Variants in VASH2 observed in about 807,000 individuals in gnomAD.
The protein encoded by VASH2 is tubulinyl-Tyr carboxypeptidase 2.
A neutral mutation model predicts 37.2 loss-of-function variants in VASH2; 28 were observed. That is an observed-to-expected ratio of 0.75 (90% CI 0.56 to 1.03). The LOEUF (loss-of-function observed/expected upper bound fraction) is 1.03, where lower values mean the gene tolerates loss of function less well. Ranked by LOEUF, VASH2 falls within the 50% of genes least tolerant of loss-of-function variation. The probability of loss-of-function intolerance (pLI) is 0.00; values close to 1 mark genes in which losing one functional copy is unlikely to be tolerated. For synonymous variants in VASH2, 188 were observed against 174.7 expected (o/e 1.08, Z -0.60); for missense variants, 419 against 459.1 (o/e 0.91, Z 0.80).
chr1:212,976,553 A>G (rs1667176785), intron 7 of VASH2, among the ~76,000 whole-genome samples: 1 of 127,628 alleles, frequency 7.8e-6, no homozygotes, highest in African/African-American at 3.1e-5. Flanking sequence ...GTCTGGGCGA[A>G]GGAGTGAGGC....
At chr1:212,973,445 A>C in intron 6 of VASH2, 6 of 1,291,046 alleles carry the variant, frequency 4.6e-6, no homozygotes, top group Non-Finnish European at 6.1e-6. Context: ...TCACTAAGAG[A>C]AAAGGATTAT....
intron 7 of VASH2, among the ~76,000 whole-genome samples, chr1:212,977,503 C>T (rs903330139): frequency 1.3e-5 from 2 of 149,644 alleles, no homozygotes; most frequent in African/African-American, 4.9e-5. Flanking sequence ...GCTGGGGTCA[C>T]ATGGTATGGA....
chr1:212,957,617 C>CTTT lies in VASH2; in HGVS notation c.277-3533_277-3531dup, dbSNP rs1056304168. ...GGTGATGAATAATACACAGCTTACA[C>CTTT]TTTTTTTTTTTTTTTTTTGAGATGG... On this transcript the variant is annotated intron_variant, in intron 2 of 7. Transcript: ENST00000517399. Among the ~76,000 whole-genome samples the CTTT allele has an allele frequency of 1.0e-3, 138 of 137,412 alleles. 1 individual carries two copies. The highest frequency in any genetic ancestry group is 8.4e-3 in the South Asian group (36 of 4,280). 90.1% of individuals were successfully genotyped at this position (137,412 alleles called of 152,430 possible).
chr1:212,951,502 C>T lies in VASH2; in HGVS notation c.-41C>T. ...CCCGCCGCCGCCGCCGCTGCCGCCG[C>T]CGCGCGCCCCCAGTACCTCGCTCCC... is the stretch of plus-strand genomic sequence containing the variant. On this transcript the variant is annotated 5_prime_UTR_variant, in exon 2 of 8. Coordinates refer to ENST00000517399, the MANE Select transcript of VASH2 (RefSeq NM_001301056.2). This position sits in a 1 kb window ranked among gnomAD's most constrained non-coding sequence, Gnocchi z 4.4. The T allele has an allele frequency of 1.6e-6, 2 of 1,215,458 alleles. No homozygotes were observed. Among genetic ancestry groups the T allele is most frequent in the East Asian group, 6.5e-5 (2 of 30,688 alleles). The allele number at this position is 1,215,458 out of a possible 1,614,324, so 75.3% of individuals were successfully genotyped here. A position where few individuals can be genotyped will look rare whatever the true frequency, so the allele number is the denominator to read the frequency against.
chr1:212,972,521 G>T lies in VASH2; in HGVS notation c.498-59G>T. 3.2e-6 allele frequency: 5 copies of T among 1,582,252 alleles called. No individual in the cohort carries two copies. In the East Asian group the frequency reaches 8.9e-5, roughly 28 times the overall value. ...ACCCTGAGACACTTTCCCTTCCTTT[G>T]CATCCAGGCTTCAAATTTTCAAGGC... On this transcript the variant is annotated intron_variant, in intron 5 of 7. Transcript: ENST00000517399.
chr1:212,988,412 C>T, intron 7 of VASH2, 100 bp from the exon 8 acceptor site: 1 of 1,224,794 alleles, frequency 8.2e-7, no homozygotes, highest in Non-Finnish European at 1.2e-6. Context: ...AGACAAATAT[C>T]AGAAGGATTA....
At chr1:212,953,248 CTA>C (rs898048810) in intron 2 of VASH2, among the ~76,000 whole-genome samples, 1 of 151,752 alleles carries the variant, frequency 6.6e-6, no homozygotes, top group Non-Finnish European at 1.5e-5. Context: ...GGTGCATTCT[CTA>C]TGTGGGAATC....
At chr1:212,969,461 G>A (rs957373858) in intron 5 of VASH2, among the ~76,000 whole-genome samples, 3 of 151,998 alleles carry the variant, frequency 2.0e-5, no homozygotes, top group African/African-American at 7.3e-5. Flanking sequence ...CTCCCAAAGT[G>A]CTGGGATTAT....
rs2075834983 is a variant in VASH2 at position 212,989,437 on chromosome 1, T to C, written c.*853T>C. On this transcript the variant is annotated 3_prime_UTR_variant, in exon 8 of 8. Transcript: ENST00000517399. ...CAAATTTAGCGGTACTGGATTTACC[T>C]CTGACATTAACACACTCAGGCAGAG... is the stretch of plus-strand genomic sequence containing the variant. 1 of 152,216 alleles carries C rather than the reference T, an allele frequency of 6.6e-6. No individual in the cohort carries two copies. The highest frequency in any genetic ancestry group is 6.5e-5 in the Admixed American group (1 of 15,274). 9.4% of individuals were successfully genotyped at this position (152,216 alleles called of 1,614,324 possible). A position where few individuals can be genotyped will look rare whatever the true frequency, so the allele number is the denominator to read the frequency against.
At chr1:212,988,481 C>T (rs1390235830) in intron 7 of VASH2, 31 bp from the exon 8 acceptor site, 4 of 1,611,050 alleles carry the variant, frequency 2.5e-6, no homozygotes, top group Non-Finnish European at 3.4e-6. Context: ...CATCCCCTCT[C>T]CTCCACCATA....
At chr1:212,969,553 G>A (rs936185654) in intron 5 of VASH2, among the ~76,000 whole-genome samples, 1 of 152,146 alleles carries the variant, frequency 6.6e-6, no homozygotes, top group Non-Finnish European at 1.5e-5. Context: ...GTGCAGTGGC[G>A]CGATCTCGGC....
chr1:212,968,594 AC>A, intron 5 of VASH2: 1 of 985,444 alleles, frequency 1.0e-6, no homozygotes, highest in Non-Finnish European at 1.2e-6. Context: ...CCCCTCCCCA[AC>A]CCTCTTGTCA....
In VASH2 at chr1:212,966,252, G is replaced by T; in HGVS notation, c.423-19G>T. ...AATTAAATAGGTTCTGAGATCCTCT[G>T]CTGTGCTCTATCCTACAGGTTAATG... On this transcript the variant is annotated intron_variant, in intron 4 of 7. Coordinates refer to ENST00000517399, the MANE Select transcript of VASH2 (RefSeq NM_001301056.2). 6.5e-7 allele frequency: 1 copy of T among 1,550,188 alleles called. No individual in the cohort carries two copies. The highest frequency in any genetic ancestry group is 8.7e-7 in the Non-Finnish European group (1 of 1,145,654).
intron 7 of VASH2, among the ~76,000 whole-genome samples, chr1:212,987,546 C>T (rs1667516554): frequency 6.6e-6 from 1 of 152,118 alleles, no homozygotes; most frequent in Non-Finnish European, 1.5e-5. Flanking sequence ...GGCACTCTAG[C>T]CTGGGCAACA....
chr1:212,963,446 G>A (rs1482873950), intron 3 of VASH2, among the ~76,000 whole-genome samples: 2 of 152,184 alleles, frequency 1.3e-5, no homozygotes, highest in Non-Finnish European at 2.9e-5. Flanking sequence ...ACAGTGACAG[G>A]TGCCAGGATA....
chr1:212,959,451 A>G (rs1666604384), intron 2 of VASH2, among the ~76,000 whole-genome samples: 1 of 102,048 alleles, frequency 9.8e-6, no homozygotes, highest in South Asian at 2.4e-4. Flanking sequence ...GCACATTCAC[A>G]CACACACACA....
intron 5 of VASH2, chr1:212,966,897 T>TTTTGTTTG (rs74221538): frequency 0.021 from 7,813 of 365,492 alleles, 104 homozygotes; most frequent in East Asian, 0.035. Flanking sequence ...CCGGCTAATT[T>TTTTGTTTG]TTTGTTTGTT....
chr1:212,953,397 T>G (rs375969527), intron 2 of VASH2, among the ~76,000 whole-genome samples: 1 of 152,136 alleles, frequency 6.6e-6, no homozygotes, highest in Non-Finnish European at 1.5e-5. Context: ...AGTCGATTGT[T>G]AGGAAGCTCT....
At chr1:212,952,658 C>T (rs1264711059) in intron 2 of VASH2, 1 of 152,152 alleles carries the variant, frequency 6.6e-6, no homozygotes. Context: ...TATGAAACAT[C>T]AAAATGCAAA....
Sources: allele counts gnomAD v4.1 joint callset (sites outside exome capture counted in the v4.1 genomes callset), GRCh38; gene constraint gnomAD v4.1.1; non-coding constraint Gnocchi (gnomAD v3.1); transcripts MANE v1.5; gene names NCBI Gene and HGNC (gene_info 2026-07-23, HGNC 2026-07-21).